MED28: variants seen among roughly 807,000 people sequenced by gnomAD.
MED28 encodes the protein mediator of RNA polymerase II transcription subunit 28.
In MED28, 26 loss-of-function variants were observed where a neutral mutation model predicts 21.3. The observed-to-expected ratio is 1.22, with a 90% CI of 0.89 to 1.69. The LOEUF is 1.69. Among genes scored for constraint, MED28 ranks in the 40% most tolerant of loss-of-function variants. The pLI, the probability that MED28 is intolerant of heterozygous loss-of-function variation, is 0.00. For synonymous variants in MED28, 110 were observed against 87.6 expected, an observed-to-expected ratio of 1.26 and a Z score of -1.43; for missense variants, 257 against 215.4, an observed-to-expected ratio of 1.19 and a Z score of -1.21.
intron 2 of MED28, 124 bp downstream of exon 2, chr4:17,620,091 TG>T: frequency 2.3e-6 from 2 of 851,078 alleles, no homozygotes; most frequent in Non-Finnish European, 3.9e-6. Flanking sequence ...GACTAAAATG[TG>T]TGCACATAAT....
rs1432856884 is a variant in MED28 at position 17,626,467 on chromosome 4, T to C, written c.*2669T>C. 2 of 152,216 alleles carry C rather than the reference T, an allele frequency of 1.3e-5. No individual in the cohort carries two copies. Among genetic ancestry groups the C allele is most frequent in the African/African-American group, 4.8e-5 (2 of 41,458 alleles). The allele number at this position is 152,216 out of a possible 1,614,324, so 9.4% of individuals were successfully genotyped here. On this transcript the variant is annotated 3_prime_UTR_variant, in exon 4 of 4. Coordinates refer to ENST00000237380, the MANE Select transcript of MED28 (RefSeq NM_025205.5). ...TCACACCCCTCTTCCCTGGTCAGTG[T>C]GTTGATAACAGCCCACCCACCTGTG...
Position 17,633,581 on chromosome 4 carries a change from G to A in MED28, c.*9783G>A. Reference sequence around the variant, plus strand: ...CAGTGTCCCTTGTCTAATCATCCATGAAAAAAGGCCTTCTGGAATTTGGTA... The same window carrying A: ...CAGTGTCCCTTGTCTAATCATCCATAAAAAAAGGCCTTCTGGAATTTGGTA... On this transcript the variant is annotated 3_prime_UTR_variant, in exon 4 of 4. Coordinates refer to ENST00000237380, the MANE Select transcript of MED28 (RefSeq NM_025205.5). The A allele has an allele frequency of 2.8e-6, 3 of 1,070,386 alleles. No individual in the cohort carries two copies. Among genetic ancestry groups the A allele is most frequent in the Non-Finnish European group, 3.8e-6 (3 of 779,570 alleles). 66.3% of individuals were successfully genotyped at this position (1,070,386 alleles called of 1,614,324 possible).
rs781254598 is a variant in MED28, at chr4:17,630,752, G to A, written c.*6954G>A. ...TAGGCAGTAAATTTACCTTTAATAC[G>A]TAAGTTTGACAGTTATATGTAATCA... is the stretch of plus-strand genomic sequence containing the variant. On this transcript the variant is annotated 3_prime_UTR_variant, in exon 4 of 4. Coordinates refer to ENST00000237380, the MANE Select transcript of MED28 (RefSeq NM_025205.5). The A allele has an allele frequency of 2.7e-5, 4 of 150,446 alleles. No individual in the cohort carries two copies. In the Admixed American group the frequency reaches 2.7e-4, roughly 10 times the overall value. The allele number at this position is 150,446 out of a possible 1,614,324, so 9.3% of individuals were successfully genotyped here. A position where few individuals can be genotyped will look rare whatever the true frequency, so the allele number is the denominator to read the frequency against.
intron 3 of MED28, 25 bp from the exon 4 acceptor site, chr4:17,623,576 C>T (rs375112165): frequency 8.7e-6 from 14 of 1,610,386 alleles, no homozygotes; most frequent in Admixed American, 1.7e-5. Flanking sequence ...TTTGCTCTGA[C>T]TTAGTCCATG....
rs1714796323 is a variant in MED28 at position 17,627,405 on chromosome 4, T to C, written c.*3607T>C. 1 of 152,516 alleles carries C rather than the reference T, an allele frequency of 6.6e-6. No individual in the cohort carries two copies. The highest frequency in any genetic ancestry group is 2.4e-5 in the African/African-American group (1 of 41,468). 9.4% of individuals were successfully genotyped at this position (152,516 alleles called of 1,614,324 possible). On this transcript the variant is annotated 3_prime_UTR_variant, in exon 4 of 4. Transcript: ENST00000237380. The stretch of plus-strand genomic sequence containing the variant: ...GTGCCCAGCCCATCTTCATCTTCTT[T>C]ACTTGAACTTAATTCTTTTTCATGC...
At chr4:17,617,535 G>GTAA (rs1714486287) in intron 1 of MED28, among the ~76,000 whole-genome samples, 1 of 152,206 alleles carries the variant, frequency 6.6e-6, no homozygotes, top group Non-Finnish European at 1.5e-5. Context: ...CTGAAAGCCA[G>GTAA]CCGTTGGGTT....
In MED28 at chr4:17,631,215, T is replaced by A. The variant is rs539266118; in HGVS notation, c.*7417T>A. 1.3e-5 allele frequency: 2 copies of A among 152,034 alleles called. No individual in the cohort carries two copies. 9.4% of individuals were successfully genotyped at this position (152,034 alleles called of 1,614,324 possible). ...AGACCAGAGGTTCAGGGGATATATA[T>A]ATATATTTTTTTAATCTGTAGAGAT... On this transcript the variant is annotated 3_prime_UTR_variant, in exon 4 of 4. Transcript: ENST00000237380.
At position 17,620,613 on chromosome 4, in the gene MED28, G is replaced by A. The variant is rs115391199; in HGVS notation, c.226+646G>A. 4.8e-3 allele frequency among the ~76,000 whole-genome samples: 735 copies of A among 151,990 alleles called. 6 individuals carry two copies. The highest frequency in any genetic ancestry group is 0.016 in the African/African-American group (663 of 41,462). The stretch of plus-strand genomic sequence containing the variant: ...CTCCCAAAGTATCGGGATTACAGGC[G>A]TGAGCCACCGTGCCCGGCCTTATAT... On this transcript the variant is annotated intron_variant, in intron 2 of 3. Coordinates refer to ENST00000237380, the MANE Select transcript of MED28 (RefSeq NM_025205.5).
chr4:17,623,029 A>AT (rs1215482690), intron 3 of MED28, among the ~76,000 whole-genome samples: 1 of 152,240 alleles, frequency 6.6e-6, no homozygotes, highest in Non-Finnish European at 1.5e-5. Flanking sequence ...GGGTGGGGAC[A>AT]CAGCCAAACC....
chr4:17,619,369 C>T (rs1714550581), intron 1 of MED28, among the ~76,000 whole-genome samples: 1 of 152,138 alleles, frequency 6.6e-6, no homozygotes, highest in Non-Finnish European at 1.5e-5. Flanking sequence ...GTGAATAAGA[C>T]AGACAAAATT....
In MED28 at chr4:17,627,760, T is replaced by C. The variant is rs1452514898; in HGVS notation, c.*3962T>C. 1 of 152,480 alleles carries C rather than the reference T, an allele frequency of 6.6e-6. No individual in the cohort carries two copies. Among genetic ancestry groups the C allele is most frequent in the Non-Finnish European group, 1.5e-5 (1 of 68,430 alleles). 9.4% of individuals were successfully genotyped at this position (152,480 alleles called of 1,614,324 possible). On this transcript the variant is annotated 3_prime_UTR_variant, in exon 4 of 4. Coordinates refer to ENST00000237380, the MANE Select transcript of MED28 (RefSeq NM_025205.5). ...AGGAGAATCGCTTGAACCCAGGAGG[T>C]GGACGTTGCAGTGAGCCGAGATCGA...
rs975364432 is a variant in MED28, at chr4:17,626,636, ATC to A, written c.*2845_*2846del. The A allele has an allele frequency of 6.6e-6, 1 of 151,996 alleles. No homozygotes were observed. Among genetic ancestry groups the A allele is most frequent in the African/African-American group, 2.4e-5 (1 of 41,366 alleles). The allele number at this position is 151,996 out of a possible 1,614,324, so 9.4% of individuals were successfully genotyped here. On this transcript the variant is annotated 3_prime_UTR_variant, in exon 4 of 4. Transcript: ENST00000237380. Reference sequence around the variant, plus strand: ...CCAAGATGCAGATTGCCTGTGGGCTATCTCTCTCCACAGATAAACCTACTCAC... The same window carrying A: ...CCAAGATGCAGATTGCCTGTGGGCTATCTCTCCACAGATAAACCTACTCAC...
Position 17,625,813 on chromosome 4 carries a change from C to T in MED28, c.*2015C>T. The stretch of plus-strand genomic sequence containing the variant: ...GGTACTGGGGAGTGGAGTATTATGT[C>T]TTGGAAGAGACTCCTGCTGTGATTG... On this transcript the variant is annotated 3_prime_UTR_variant, in exon 4 of 4. Transcript: ENST00000237380. The T allele has an allele frequency of 3.0e-6, 1 of 333,956 alleles. No individual in the cohort carries two copies. Among genetic ancestry groups the T allele is most frequent in the Non-Finnish European group, 5.8e-6 (1 of 171,756 alleles). The allele number at this position is 333,956 out of a possible 1,614,324, so 20.7% of individuals were successfully genotyped here. A position where few individuals can be genotyped will look rare whatever the true frequency, so the allele number is the denominator to read the frequency against.
At chr4:17,623,537 T>C in intron 3 of MED28, 64 bp from the exon 4 acceptor site, 2 of 1,522,546 alleles carry the variant, frequency 1.3e-6, no homozygotes, top group Non-Finnish European at 9.1e-7. Context: ...GCCTCTTAAC[T>C]AACCAGAACC....
chr4:17,621,750 A>G (rs1294044164), intron 3 of MED28, 51 bp downstream of exon 3: 13 of 1,212,934 alleles, frequency 1.1e-5, no homozygotes, highest in African/African-American at 1.5e-5. Flanking sequence ...AAGTGGTGCC[A>G]GGATTCCTTT....
In MED28 at chr4:17,628,288, G is replaced by GTGTGTGTGTGTA. The variant is rs1213204408; in HGVS notation, c.*4493_*4494insGTGTGTGTATGT. The GTGTGTGTGTGTA allele has an allele frequency of 1.3e-5, 2 of 150,148 alleles. No homozygotes were observed. Among genetic ancestry groups the GTGTGTGTGTGTA allele is most frequent in the African/African-American group, 2.5e-5 (1 of 39,674 alleles). The allele number at this position is 150,148 out of a possible 1,614,324, so 9.3% of individuals were successfully genotyped here. ...TGTGTGTGTGTGTGTGTGTGTGTGTGTGTATGTGTATATGCGTATATATGT... is the reference window on the plus strand; with the variant it reads ...TGTGTGTGTGTGTGTGTGTGTGTGTGTGTGTGTGTGTATGTATGTGTATATGCGTATATATGT... On this transcript the variant is annotated 3_prime_UTR_variant, in exon 4 of 4. Transcript: ENST00000237380.
intron 1 of MED28, 130 bp downstream of exon 1, chr4:17,614,943 A>C (rs1714404334): frequency 1.7e-6 from 2 of 1,178,648 alleles, no homozygotes; most frequent in Non-Finnish European, 2.4e-6. Context: ...GCTTAAAGTA[A>C]GTCACTTGCT....
At position 17,626,622 on chromosome 4, in the gene MED28, A is replaced by G. The variant is rs1395353447; in HGVS notation, c.*2824A>G. ...TTCCTTGTCAGGCTCCAAGATGCAG[A>G]TTGCCTGTGGGCTATCTCTCTCCAC... On this transcript the variant is annotated 3_prime_UTR_variant, in exon 4 of 4. Coordinates refer to ENST00000237380, the MANE Select transcript of MED28 (RefSeq NM_025205.5). 6.6e-6 allele frequency: 1 copy of G among 151,902 alleles called. No individual in the cohort carries two copies. Among genetic ancestry groups the G allele is most frequent in the Non-Finnish European group, 1.5e-5 (1 of 68,014 alleles). 9.4% of individuals were successfully genotyped at this position (151,902 alleles called of 1,614,324 possible).
At chr4:17,620,467 G>A (rs1161881077) in intron 2 of MED28, among the ~76,000 whole-genome samples, 2 of 151,532 alleles carry the variant, frequency 1.3e-5, no homozygotes, top group African/African-American at 4.9e-5. Context: ...CCGCGTAGAT[G>A]GAACTACAGG....
Sources: allele counts gnomAD v4.1 joint callset (sites outside exome capture counted in the v4.1 genomes callset), GRCh38; gene constraint gnomAD v4.1.1; transcripts MANE v1.5; gene names NCBI Gene and HGNC (gene_info 2026-07-23, HGNC 2026-07-21).